The following LRRTM4 variants were observed in gnomAD, a reference collection of about 807,000 sequenced individuals.
The protein encoded by LRRTM4 is leucine-rich repeat transmembrane neuronal protein 4.
In LRRTM4, 25 loss-of-function variants were observed where a neutral mutation model predicts 47.6. The observed-to-expected ratio is 0.53, with a 90% CI of 0.38 to 0.73. LRRTM4 has a LOEUF of 0.73. LRRTM4 is among the 30% of genes least tolerant of loss of function. The pLI is 0.00. For synonymous variants in LRRTM4, 311 were observed against 269.5 expected, an observed-to-expected ratio of 1.15 and a Z score of -1.51; for missense variants, 638 against 713.4, an observed-to-expected ratio of 0.89 and a Z score of 1.20.
At chr2:77,092,855 C>G (rs559491505) in intron 3 of LRRTM4, among the ~76,000 whole-genome samples, 2 of 143,780 alleles carry the variant, frequency 1.4e-5, no homozygotes, top group African/African-American at 5.7e-5. Flanking sequence ...CTTTATATCC[C>G]TTACGATCCT....
rs753176689 is a variant in LRRTM4, at chr2:77,114,508, C to T, written c.1552-365592G>A. On this transcript the variant is annotated intron_variant, in intron 3 of 3. Coordinates refer to ENST00000409884, the MANE Select transcript of LRRTM4 (RefSeq NM_001134745.3). ...CAATCATTTCTGTGGACCAGACAGA[C>T]GAACATTTCTCTGCACCTACCAGAG... Among the ~76,000 whole-genome samples the T allele has an allele frequency of 2.2e-4, 33 of 152,108 alleles. 1 individual carries two copies. The highest frequency in any genetic ancestry group is 4.6e-4 in the African/African-American group (19 of 41,404).
intron 3 of LRRTM4, among the ~76,000 whole-genome samples, chr2:77,268,960 C>T (rs1481183609): frequency 6.6e-6 from 1 of 152,134 alleles, no homozygotes; most frequent in Non-Finnish European, 1.5e-5. Flanking sequence ...CCCAGAAATA[C>T]CTTTTTTGCA....
chr2:76,940,212 T>C (rs1307709289), intron 3 of LRRTM4, among the ~76,000 whole-genome samples: 2 of 152,202 alleles, frequency 1.3e-5, no homozygotes, highest in South Asian at 2.1e-4. Context: ...CAGCCCTAAT[T>C]GTAATAGCAA....
intron 3 of LRRTM4, among the ~76,000 whole-genome samples, chr2:76,868,102 G>C (rs952410380): frequency 6.6e-6 from 1 of 152,156 alleles, no homozygotes; most frequent in Non-Finnish European, 1.5e-5. Context: ...GCTAATGTGA[G>C]TGTCACAAAC....
chr2:76,948,118 C>G (rs779042288), intron 3 of LRRTM4, among the ~76,000 whole-genome samples: 2 of 151,834 alleles, frequency 1.3e-5, no homozygotes, highest in Non-Finnish European at 2.9e-5. Context: ...ACGAGTTTCA[C>G]GGCAACAGCA....
intron 3 of LRRTM4, among the ~76,000 whole-genome samples, chr2:77,096,490 T>C (rs941329103): frequency 1.3e-5 from 2 of 151,370 alleles, no homozygotes; most frequent in Non-Finnish European, 3.0e-5. Flanking sequence ...TATGAATAAA[T>C]ATAAAATGTC....
At chr2:77,374,764 C>A (rs1489985635) in intron 3 of LRRTM4, among the ~76,000 whole-genome samples, 1 of 151,752 alleles carries the variant, frequency 6.6e-6, no homozygotes, top group Non-Finnish European at 1.5e-5. Context: ...AATGCAGTAT[C>A]AAATATTCTG....
At chr2:77,279,358 G>C (rs1468950615) in intron 3 of LRRTM4, among the ~76,000 whole-genome samples, 1 of 151,654 alleles carries the variant, frequency 6.6e-6, no homozygotes, top group Non-Finnish European at 1.5e-5. Context: ...GTTTTGTTTT[G>C]TTTTTGGTCA....
intron 3 of LRRTM4, among the ~76,000 whole-genome samples, chr2:77,120,860 TTTC>T (rs1254761682): frequency 6.6e-6 from 1 of 151,902 alleles, no homozygotes; most frequent in East Asian, 1.9e-4. Context: ...TCTACCAACA[TTTC>T]TTGTTCTCTG....
At chr2:76,800,213 C>T (rs949290180) in intron 3 of LRRTM4, among the ~76,000 whole-genome samples, 1 of 146,544 alleles carries the variant, frequency 6.8e-6, no homozygotes, top group Non-Finnish European at 1.5e-5. Context: ...TACTACAAGG[C>T]GACAGTGACC....
At chr2:76,905,194 A>G (rs1673784087) in intron 3 of LRRTM4, among the ~76,000 whole-genome samples, 1 of 152,144 alleles carries the variant, frequency 6.6e-6, no homozygotes, top group Non-Finnish European at 1.5e-5. Flanking sequence ...CAGTTCACGA[A>G]AAACCACTGT....
chr2:77,110,581 A>G (rs1477438590), intron 3 of LRRTM4, among the ~76,000 whole-genome samples: 1 of 152,172 alleles, frequency 6.6e-6, no homozygotes, highest in African/African-American at 2.4e-5. Context: ...GTTGTGTGCA[A>G]ATGTTTTTTG....
At chr2:77,046,283 A>T (rs1679232943) in intron 3 of LRRTM4, among the ~76,000 whole-genome samples, 1 of 151,996 alleles carries the variant, frequency 6.6e-6, no homozygotes, top group East Asian at 1.9e-4. Flanking sequence ...TTCCAGGCAG[A>T]TTTCACTCAT....
chr2:76,813,633 GTTAAC>G (rs1670810954), intron 3 of LRRTM4, among the ~76,000 whole-genome samples: 1 of 152,086 alleles, frequency 6.6e-6, no homozygotes. Context: ...AGTAGGCCAA[GTTAAC>G]TTTTGGTACA....
intron 3 of LRRTM4, among the ~76,000 whole-genome samples, chr2:77,381,807 G>C (rs1673063954): frequency 6.6e-6 from 1 of 151,878 alleles, no homozygotes; most frequent in Non-Finnish European, 1.5e-5. Flanking sequence ...ATTTTATGTA[G>C]ATAAAAAGTA....
intron 3 of LRRTM4, among the ~76,000 whole-genome samples, chr2:77,457,377 T>G (rs1374043859): frequency 1.3e-5 from 2 of 151,974 alleles, no homozygotes; most frequent in African/African-American, 4.8e-5. Context: ...TAAATACTCT[T>G]CAAGACCTGG....
At chr2:76,987,586 C>T (rs947231800) in intron 3 of LRRTM4, 1 of 151,686 alleles carries the variant, frequency 6.6e-6, no homozygotes, top group African/African-American at 2.4e-5. Flanking sequence ...GATGTGGTAA[C>T]AATTTCAAAA....
chr2:77,276,681 GTACGCATATATATATATATATATATA>G (rs1317053644), intron 3 of LRRTM4, among the ~76,000 whole-genome samples: 18 of 60,342 alleles, frequency 3.0e-4, no homozygotes, highest in African/African-American at 9.3e-4. Flanking sequence ...ATAAATTTGT[GTACGCATATATATATATATATATATA>G]TATATATATA....
chr2:76,904,941 C>T (rs546604393), intron 3 of LRRTM4, among the ~76,000 whole-genome samples: 105 of 152,194 alleles, frequency 6.9e-4, no homozygotes, highest in Non-Finnish European at 1.1e-3. Context: ...CCAGTGTGAG[C>T]GACGCAGAAG....
Sources: gnomAD v4.1 joint callset for allele counts (sites outside exome capture counted in the v4.1 genomes callset) on GRCh38, gnomAD v4.1.1 for gene constraint, MANE v1.5 for transcripts, NCBI Gene and HGNC (gene_info 2026-07-23, HGNC 2026-07-21) for gene names.